Variants in RBFOX1 observed in about 807,000 individuals in gnomAD.
RBFOX1 encodes the protein RNA binding fox-1 homolog 1.
RBFOX1 carries 8 observed loss-of-function variants against 57.7 expected under a neutral mutation model. That is an observed-to-expected ratio of 0.14 (90% confidence interval 0.08 to 0.25). The LOEUF (loss-of-function observed/expected upper bound fraction) is 0.25. RBFOX1 is among the 10% of genes least tolerant of loss of function. RBFOX1 has a pLI of 1.00. For missense variants in RBFOX1, 611 were observed against 548.5 expected, an observed-to-expected ratio of 1.11 and a Z score of -1.14; for synonymous variants, 326 against 222.4, an observed-to-expected ratio of 1.47 and a Z score of -4.15.
Position 7,503,621 on chromosome 16 carries a change from C to G in RBFOX1, c.28-14526C>G, listed in dbSNP as rs952099204. On this transcript the variant is annotated intron_variant, in intron 4 of 15. Transcript: ENST00000550418. ...GGTGGTAGTAGCAAGAACTTTTCCC[C>G]CTTTAGAAAAAGTGGGCTGGTGAAA... is the stretch of plus-strand genomic sequence containing the variant. Among the ~76,000 whole-genome samples the G allele has an allele frequency of 2.6e-5, 4 of 152,032 alleles. No individual in the cohort carries two copies. In the East Asian group the frequency reaches 7.7e-4, roughly 29 times the overall value.
intron 1 of RBFOX1, among the ~76,000 whole-genome samples, chr16:6,093,993 C>T (rs6500759): frequency 0.054 from 8,207 of 152,196 alleles, 540 homozygotes; most frequent in African/African-American, 0.16. Flanking sequence ...AGAAATCATG[C>T]CGCTTTTTTA....
At chr16:7,536,407 A>T (rs1340963208) in intron 5 of RBFOX1, among the ~76,000 whole-genome samples, 3 of 152,178 alleles carry the variant, frequency 2.0e-5, no homozygotes, top group African/African-American at 7.2e-5. Context: ...CAGCCTGGCC[A>T]AAATGGTAAA....
At chr16:6,771,963 G>C (rs2078370497) in intron 3 of RBFOX1, among the ~76,000 whole-genome samples, 2 of 152,084 alleles carry the variant, frequency 1.3e-5, no homozygotes, top group Admixed American at 6.5e-5. Context: ...AGCTATATAA[G>C]ATCCTCAAAA....
chr16:7,087,589 GGGGAGAGAGA>G (rs965623308), intron 4 of RBFOX1, among the ~76,000 whole-genome samples: 8 of 151,114 alleles, frequency 5.3e-5, no homozygotes, highest in African/African-American at 9.7e-5. Flanking sequence ...AGGGAGGGAG[GGGGAGAGAGA>G]GGGAGAGAGA....
At chr16:5,325,571 A>G (rs1424649884) in intron 1 of RBFOX1, among the ~76,000 whole-genome samples, 1 of 152,092 alleles carries the variant, frequency 6.6e-6, no homozygotes, top group African/African-American at 2.4e-5. Flanking sequence ...CCCAAACACT[A>G]CCCTGTGATA....
At chr16:7,702,540 C>G (rs542923186) in intron 14 of RBFOX1, among the ~76,000 whole-genome samples, 1 of 152,134 alleles carries the variant, frequency 6.6e-6, no homozygotes, top group Non-Finnish European at 1.5e-5. Context: ...TGATTGACAA[C>G]GGATTCATTT....
chr16:7,630,331 C>G (rs1000115339), intron 10 of RBFOX1, among the ~76,000 whole-genome samples: 3 of 152,002 alleles, frequency 2.0e-5, no homozygotes, highest in Admixed American at 1.3e-4. Context: ...CATTCCTGAT[C>G]TGAACCTGGG....
At chr16:6,967,602 G>A (rs956082973) in intron 3 of RBFOX1, among the ~76,000 whole-genome samples, 4 of 152,022 alleles carry the variant, frequency 2.6e-5, no homozygotes, top group African/African-American at 9.7e-5. Flanking sequence ...AGTTCACCCT[G>A]CCCCTCAGTA....
intron 4 of RBFOX1, among the ~76,000 whole-genome samples, chr16:7,202,666 A>G (rs1466658022): frequency 6.6e-6 from 1 of 152,186 alleles, no homozygotes; most frequent in Non-Finnish European, 1.5e-5. Context: ...CAGCCACGGC[A>G]TTAGGTTCTC....
rs77964765 is a variant in RBFOX1, at chr16:6,946,220, A to G, written c.-15-105837A>G. 3.4e-3 allele frequency among the ~76,000 whole-genome samples: 512 copies of G among 152,344 alleles called. 4 individuals are homozygous for G. Among genetic ancestry groups the G allele is most frequent in the African/African-American group, 0.012 (481 of 41,584 alleles). On this transcript the variant is annotated intron_variant, in intron 3 of 15. Coordinates refer to ENST00000550418, the MANE Select transcript of RBFOX1 (RefSeq NM_018723.4). ...GAGAATATTTTAGGATTTGGGTGCCATATGGTTTCTGTGATAACTGCTCCA... is the reference window on the plus strand; with the variant it reads ...GAGAATATTTTAGGATTTGGGTGCCGTATGGTTTCTGTGATAACTGCTCCA...
intron 4 of RBFOX1, among the ~76,000 whole-genome samples, chr16:5,973,746 T>C (rs1378440033): frequency 1.3e-5 from 2 of 152,244 alleles, no homozygotes; most frequent in Non-Finnish European, 2.9e-5. Flanking sequence ...CATTCTTTGT[T>C]CATTCATTCA....
chr16:6,041,312 T>C (rs928622552), intron 1 of RBFOX1, among the ~76,000 whole-genome samples: 1 of 152,144 alleles, frequency 6.6e-6, no homozygotes, highest in Non-Finnish European at 1.5e-5. Context: ...GGGAGGGTAA[T>C]TGTGCTTCAC....
At chr16:5,568,509 G>A (rs777719914) in intron 2 of RBFOX1, among the ~76,000 whole-genome samples, 2 of 152,140 alleles carry the variant, frequency 1.3e-5, no homozygotes, top group African/African-American at 2.4e-5. Context: ...AGAGAGCAGC[G>A]TAAAGGTCAC....
chr16:5,906,654 A>G (rs949899411), intron 4 of RBFOX1, among the ~76,000 whole-genome samples: 1 of 151,488 alleles, frequency 6.6e-6, no homozygotes, highest in Admixed American at 6.6e-5. Context: ...ACTCTAACTT[A>G]ACAGAGGGTT....
chr16:7,002,742 C>G (rs1251413808), intron 3 of RBFOX1, among the ~76,000 whole-genome samples: 1 of 152,066 alleles, frequency 6.6e-6, no homozygotes, highest in East Asian at 1.9e-4. Context: ...AAACTATTTT[C>G]AAATAGCACT....
intron 2 of RBFOX1, among the ~76,000 whole-genome samples, chr16:5,478,130 C>G (rs540603587): frequency 2.8e-4 from 43 of 152,302 alleles, no homozygotes; most frequent in Middle Eastern, 6.8e-3. Context: ...TTCCCTGATT[C>G]CGCAGCCAAA....
intron 6 of RBFOX1, among the ~76,000 whole-genome samples, chr16:7,582,339 A>T (rs999076968): frequency 3.3e-5 from 5 of 152,126 alleles, no homozygotes; most frequent in Admixed American, 3.3e-4. Context: ...CCTTTTTTTA[A>T]AAGTATGCAA....
intron 3 of RBFOX1, among the ~76,000 whole-genome samples, chr16:6,948,155 G>A (rs1042281690): frequency 1.3e-5 from 2 of 152,032 alleles, no homozygotes; most frequent in Non-Finnish European, 2.9e-5. Flanking sequence ...CTTTCAGCCA[G>A]GCATGGTGGC....
At position 6,871,001 on chromosome 16, in the gene RBFOX1, A is replaced by G. The variant is rs116432423; in HGVS notation, c.-15-181056A>G. Among the ~76,000 whole-genome samples, 186 of 152,352 alleles carry G rather than the reference A, an allele frequency of 1.2e-3. 1 individual carries two copies. Among genetic ancestry groups the G allele is most frequent in the African/African-American group, 4.2e-3 (174 of 41,580 alleles). Reference sequence around the variant, plus strand: ...GGATGAAGCCCACTATCCAGTGAATAACAGATGCTCATTAAATATTGGAAA... The same window carrying G: ...GGATGAAGCCCACTATCCAGTGAATGACAGATGCTCATTAAATATTGGAAA... On this transcript the variant is annotated intron_variant, in intron 3 of 15. Transcript: ENST00000550418.
Sources: allele counts gnomAD v4.1 joint callset (sites outside exome capture counted in the v4.1 genomes callset), GRCh38; gene constraint gnomAD v4.1.1; transcripts MANE v1.5; gene names NCBI Gene and HGNC (gene_info 2026-07-23, HGNC 2026-07-21).